TAF8: variants seen among roughly 807,000 people sequenced by gnomAD.
TAF8 encodes the protein transcription initiation factor TFIID subunit 8.
A neutral mutation model predicts 36.5 loss-of-function variants in TAF8; 47 were observed. The observed-to-expected ratio is 1.29, with a 90% CI of 1.02 to 1.64. TAF8 has a LOEUF of 1.64. Among genes scored for constraint, TAF8 ranks in the 40% most tolerant of loss-of-function variants. TAF8 has a pLI of 0.00. For synonymous variants in TAF8, 175 were observed against 159.5 expected, an observed-to-expected ratio of 1.10 and a Z score of -0.73; for missense variants, 420 against 407.6, an observed-to-expected ratio of 1.03 and a Z score of -0.26.
chr6:42,074,254 A>T (rs948588432), intron 7 of TAF8, among the ~76,000 whole-genome samples: 2 of 152,218 alleles, frequency 1.3e-5, no homozygotes, highest in Admixed American at 6.5e-5. Flanking sequence ...AAGGTCCCCA[A>T]TTCAGACTTA....
chr6:42,079,849 C>A lies in TAF8; in HGVS notation c.*2304C>A. ...GATTACAGGCGTGAGCCACGGTGCCCAGCCCATCTCTTAGTCTTCCATTCC... is the reference window on the plus strand; with the variant it reads ...GATTACAGGCGTGAGCCACGGTGCCAAGCCCATCTCTTAGTCTTCCATTCC... On this transcript the variant is annotated 3_prime_UTR_variant, in exon 9 of 9. Transcript: ENST00000372977. 1 of 985,220 alleles carries A rather than the reference C, an allele frequency of 1.0e-6. No homozygotes were observed. Among genetic ancestry groups the A allele is most frequent in the Non-Finnish European group, 1.2e-6 (1 of 829,912 alleles). The allele number at this position is 985,220 out of a possible 1,614,324, so 61.0% of individuals were successfully genotyped here.
chr6:42,083,740 G>A (rs548792856), downstream of TAF8, among the ~76,000 whole-genome samples: 1 of 152,236 alleles, frequency 6.6e-6, no homozygotes, highest in South Asian at 2.1e-4. Flanking sequence ...TTTCTGGGCT[G>A]GGACTTCAGG....
At position 42,052,245 on chromosome 6, in the gene TAF8, C is replaced by T. The variant is rs72855234; in HGVS notation, c.202+732C>T. 8.6e-3 allele frequency among the ~76,000 whole-genome samples: 1,307 copies of T among 152,212 alleles called. 6 individuals are homozygous for T. Among genetic ancestry groups the T allele is most frequent in the Middle Eastern group, 0.014 (4 of 294 alleles). ...TTTGTTGGGGAGTCAGGACTAATTC[C>T]CCATGCAATAGATATCATCACATTA... On this transcript the variant is annotated intron_variant, in intron 2 of 8. Coordinates refer to ENST00000372977, the MANE Select transcript of TAF8 (RefSeq NM_138572.3).
chr6:42,086,999 G>A (rs912499150), downstream of TAF8: 2 of 580,856 alleles, frequency 3.4e-6, no homozygotes, highest in South Asian at 2.1e-5. Flanking sequence ...GTTCTGCCGT[G>A]CCCTCTGAAA....
At chr6:42,051,659 G>A in intron 2 of TAF8, 146 bp downstream of exon 2, 2 of 918,550 alleles carry the variant, frequency 2.2e-6, no homozygotes, top group Non-Finnish European at 3.1e-6. Flanking sequence ...AAAAAGTTGA[G>A]AAAAGAAAAC....
At chr6:42,050,773 CTG>C in intron 1 of TAF8, 187 bp downstream of exon 1, 1 of 943,570 alleles carries the variant, frequency 1.1e-6, no homozygotes, top group Non-Finnish European at 1.5e-6. Context: ...GTTGGCGGAC[CTG>C]TGTCTTGATT....
chr6:42,052,407 C>T (rs978938923), intron 2 of TAF8, among the ~76,000 whole-genome samples: 11 of 151,590 alleles, frequency 7.3e-5, no homozygotes, highest in East Asian at 3.9e-4. Flanking sequence ...CTGCAGCCTC[C>T]GCCTCCCAGG....
At chr6:42,057,967 T>C (rs116556605) in intron 5 of TAF8, among the ~76,000 whole-genome samples, 2,431 of 152,264 alleles carry the variant, frequency 0.016, 66 homozygotes, top group African/African-American at 0.052. Flanking sequence ...TTCCACTAAA[T>C]GTTCATAGTA....
intron 7 of TAF8, 133 bp from the exon 8 acceptor site, chr6:42,076,967 G>T: frequency 8.7e-7 from 1 of 1,150,056 alleles, no homozygotes. Flanking sequence ...GGCAGAGATA[G>T]GAATGTTGGA....
chr6:42,058,431 C>G (rs546734117), intron 5 of TAF8, among the ~76,000 whole-genome samples: 2 of 152,270 alleles, frequency 1.3e-5, no homozygotes, highest in South Asian at 4.2e-4. Flanking sequence ...ACTTATCACT[C>G]TGAGCTCTAG....
chr6:42,056,240 G>T (rs774741870), intron 4 of TAF8: 4 of 463,490 alleles, frequency 8.6e-6, no homozygotes, highest in Non-Finnish European at 1.6e-5. Flanking sequence ...TGTGTTTCTT[G>T]TGTTCTAGCC....
Position 42,080,743 on chromosome 6 carries a change from A to G in TAF8, c.*3198A>G, listed in dbSNP as rs1765898224. ...GGGAAAGGGTTAGACAACTTGAAAC[A>G]TTGACCCTGTATAAAAATGCAAAAT... On this transcript the variant is annotated 3_prime_UTR_variant, in exon 9 of 9. Coordinates refer to ENST00000372977, the MANE Select transcript of TAF8 (RefSeq NM_138572.3). 1 of 985,098 alleles carries G rather than the reference A, an allele frequency of 1.0e-6. No individual in the cohort carries two copies. The highest frequency in any genetic ancestry group is 1.2e-6 in the Non-Finnish European group (1 of 829,786). The allele number at this position is 985,098 out of a possible 1,614,324, so 61.0% of individuals were successfully genotyped here. A position where few individuals can be genotyped will look rare whatever the true frequency, so the allele number is the denominator to read the frequency against.
intron 5 of TAF8, among the ~76,000 whole-genome samples, chr6:42,058,860 T>C (rs1189953134): frequency 6.6e-6 from 1 of 152,212 alleles, no homozygotes; most frequent in Non-Finnish European, 1.5e-5. Context: ...CTTCTGGTGG[T>C]TGGCCAGCAT....
At position 42,080,429 on chromosome 6, in the gene TAF8, A is replaced by G. The variant is rs1471034283; in HGVS notation, c.*2884A>G. On this transcript the variant is annotated 3_prime_UTR_variant, in exon 9 of 9. Coordinates refer to ENST00000372977, the MANE Select transcript of TAF8 (RefSeq NM_138572.3). ...CTCTTATCGCCCAGGCTGGAGTGCA[A>G]TGGCGTGATCTCGGCTCACTGCAAC... 1.2e-5 allele frequency: 11 copies of G among 897,224 alleles called. No individual in the cohort carries two copies. Among genetic ancestry groups the G allele is most frequent in the Middle Eastern group, 5.7e-4 (1 of 1,746 alleles). The allele number at this position is 897,224 out of a possible 1,614,324, so 55.6% of individuals were successfully genotyped here.
At chr6:42,050,737 C>A in intron 1 of TAF8, 151 bp downstream of exon 1, 1 of 1,064,428 alleles carries the variant, frequency 9.4e-7, no homozygotes, top group Non-Finnish European at 1.3e-6. Flanking sequence ...GCGCCCCCTC[C>A]TTGGGACTTG....
intron 4 of TAF8, 50 bp from the exon 5 acceptor site, chr6:42,057,339 A>G (rs760354621): frequency 3.7e-6 from 6 of 1,613,268 alleles, no homozygotes; most frequent in Non-Finnish European, 5.1e-6. Flanking sequence ...CATAATCTGT[A>G]GAAATCAGGG....
rs142840184 is a variant in TAF8 at position 42,075,478 on chromosome 6, G to A, written c.781-1622G>A. On this transcript the variant is annotated intron_variant, in intron 7 of 8. Coordinates refer to ENST00000372977, the MANE Select transcript of TAF8 (RefSeq NM_138572.3). ...ACCTAGATGTGATCTGGTTTCTTCT[G>A]GCTCATTAAACCTGAGACTGGTGTC... 5.1e-3 allele frequency among the ~76,000 whole-genome samples: 781 copies of A among 152,356 alleles called. 7 individuals carry two copies. Among genetic ancestry groups the A allele is most frequent in the Middle Eastern group, 0.014 (4 of 294 alleles).
In TAF8 at chr6:42,068,579, C is replaced by T. The variant is rs1765447843; in HGVS notation, c.752C>T (p.Thr251Ile). 3.1e-6 allele frequency: 5 copies of T among 1,613,836 alleles called. No homozygotes were observed. The East Asian group carries it at 1.1e-4, about 36-fold the overall frequency. The change falls in exon 7 of 9, where the codon ACA (threonine) becomes ATA (isoleucine). Residue 251 changes from threonine (T) to isoleucine (I), a missense_variant. Thr to Ile is a moderately conservative substitution (Grantham distance 89). Coordinates refer to ENST00000372977, the MANE Select transcript of TAF8 (RefSeq NM_138572.3). ...DSSEQDEQTD[T>I]ENLALHISME... ...TCGGAGCAGGATGAACAGACAGACA[C>T]AGAGAACCTTGCTCTTCATATCAGC...
At chr6:42,084,753 G>A (rs1766000744), downstream of TAF8, among the ~76,000 whole-genome samples, 1 of 152,222 alleles carries the variant, frequency 6.6e-6, no homozygotes, top group African/African-American at 2.4e-5. Flanking sequence ...ATGAGCTACT[G>A]CACCTGGCCT....
Sources: gnomAD v4.1 joint callset for allele counts (sites outside exome capture counted in the v4.1 genomes callset) on GRCh38, gnomAD v4.1.1 for gene constraint, MANE v1.5 for transcripts, NCBI Gene and HGNC (gene_info 2026-07-23, HGNC 2026-07-21) for gene names.